The following DYNC2H1 variants were observed in gnomAD, a reference collection of about 807,000 sequenced individuals.
DYNC2H1 encodes the protein cytoplasmic dynein 2 heavy chain 1.
DYNC2H1 carries 410 observed loss-of-function variants against 570.0 expected under a neutral mutation model. The ratio of observed to expected loss-of-function variants is 0.72; its 90% CI spans 0.66 to 0.78. DYNC2H1 has a LOEUF of 0.78. Among genes scored for constraint, DYNC2H1 ranks in the 30% least tolerant of loss-of-function variants. DYNC2H1 has a pLI of 0.00. For synonymous variants in DYNC2H1, 1,688 were observed against 1,677.6 expected, an observed-to-expected ratio of 1.01 and a Z score of -0.15; for missense variants, 4,865 against 5,046.4, an observed-to-expected ratio of 0.96 and a Z score of 1.09.
chr11:103,173,442 G>A (rs1565365895), intron 35 of DYNC2H1, 137 bp downstream of exon 35: 2 of 596,582 alleles, frequency 3.4e-6, no homozygotes, highest in East Asian at 3.6e-5. Context: ...TACTTATAGT[G>A]TAGCTATGAA....
chr11:103,316,585 G>A lies in DYNC2H1; in HGVS notation c.11690G>A (p.Arg3897Gln), dbSNP rs765162070. Residue 3897 changes from arginine to glutamine, a missense_variant, in exon 80 of 89, where the codon CGG (arginine) becomes CAG (glutamine). Coordinates refer to ENST00000375735, the MANE Select transcript of DYNC2H1 (RefSeq NM_001377.3). ...TATGAATTTTCTTTATCAGATCTTC[G>A]GGCTGGGTACAACATTATTGACAGA... ...KFYEFSLSDLRAGYNIIDRLF... is the reference protein window; with the variant it reads ...KFYEFSLSDLQAGYNIIDRLF... 19 of 1,559,150 alleles carry A rather than the reference G, an allele frequency of 1.2e-5. No individual in the cohort carries two copies. The highest frequency in any genetic ancestry group is 3.8e-5 in the Admixed American group (2 of 52,894).
Position 103,207,246 on chromosome 11 carries a change from A to T in DYNC2H1, c.8454+2282A>T, listed in dbSNP as rs376140946. On this transcript the variant is annotated intron_variant, in intron 52 of 88. Transcript: ENST00000375735. The stretch of plus-strand genomic sequence containing the variant: ...CTGTTTTTTTTTTTTTTTTTTTAAA[A>T]AAAGATGGGACACACTATAGTATGT... Among the ~76,000 whole-genome samples, 57 of 38,934 alleles carry T rather than the reference A, an allele frequency of 1.5e-3. 2 individuals carry two copies. Among genetic ancestry groups the T allele is most frequent in the South Asian group, 9.0e-3 (11 of 1,222 alleles). The allele number at this position is 38,934 out of a possible 152,430, so 25.5% of individuals were successfully genotyped here. A position where few individuals can be genotyped will look rare whatever the true frequency, so the allele number is the denominator to read the frequency against.
intron 83 of DYNC2H1, among the ~76,000 whole-genome samples, chr11:103,376,960 T>C (rs544115564): frequency 3.3e-4 from 51 of 152,368 alleles, no homozygotes; most frequent in Middle Eastern, 6.8e-3. Context: ...TATTCTCTCC[T>C]GACCTGCAAG....
rs1386486262 is a variant in DYNC2H1, at chr11:103,133,829, G to C, written c.2106+122G>C. The C allele has an allele frequency of 9.4e-7, 1 of 1,068,304 alleles. No homozygotes were observed. The highest frequency in any genetic ancestry group is 1.3e-6 in the Non-Finnish European group (1 of 773,388). The allele number at this position is 1,068,304 out of a possible 1,614,324, so 66.2% of individuals were successfully genotyped here. ...GACTTAAAGTTACAAAAATAGTACA[G>C]AGAAATCACAATTCCCATTTGCCCA... is the stretch of plus-strand genomic sequence containing the variant. On this transcript the variant is annotated intron_variant, in intron 14 of 88. Coordinates refer to ENST00000375735, the MANE Select transcript of DYNC2H1 (RefSeq NM_001377.3). The surrounding 1 kb of genome is among the most constrained non-coding windows in gnomAD (Gnocchi z 4.8).
At chr11:103,298,067 T>A (rs1866906125) in intron 75 of DYNC2H1, among the ~76,000 whole-genome samples, 1 of 152,142 alleles carries the variant, frequency 6.6e-6, no homozygotes, top group Admixed American at 6.6e-5. Flanking sequence ...TCATATCACT[T>A]CTCTGCTCCA....
At chr11:103,147,210 T>C (rs1342476294) in intron 18 of DYNC2H1, among the ~76,000 whole-genome samples, 2 of 152,198 alleles carry the variant, frequency 1.3e-5, no homozygotes, top group African/African-American at 4.8e-5. Flanking sequence ...TGTTTTATAT[T>C]CTAACAGTTC....
At chr11:103,400,903 A>G (rs919116721) in intron 84 of DYNC2H1, among the ~76,000 whole-genome samples, 1 of 152,062 alleles carries the variant, frequency 6.6e-6, no homozygotes, top group African/African-American at 2.4e-5. Context: ...TTTTCTTTGT[A>G]CATACATTGC....
At position 103,186,319 on chromosome 11, in the gene DYNC2H1, A is replaced by G. The variant is rs658804; in HGVS notation, c.6711A>G (p.Arg2237=). ...CCTACTATGACTCTACTAGGGGTCG[A>G]TTAGCAACATATGTGCTTAAGAAGC... ...MDTYYDSTRG[R]LATYVLKKPE... is the part of the protein sequence containing the mutation. Residue 2237 remains arginine, a synonymous_variant, in exon 42 of 89, where the codon CGA becomes CGG. Transcript: ENST00000375735. This position sits in a 1 kb window ranked among gnomAD's most constrained non-coding sequence, Gnocchi z 4.5. 984,852 of 1,612,044 alleles carry G rather than the reference A, an allele frequency of 0.61. 302,784 individuals carry two copies. The highest frequency in any genetic ancestry group is 0.74 in the Admixed American group (44,000 of 59,796).
At chr11:103,137,778 C>T (rs957738987) in intron 17 of DYNC2H1, among the ~76,000 whole-genome samples, 17 of 151,992 alleles carry the variant, frequency 1.1e-4, no homozygotes, top group African/African-American at 3.9e-4. Flanking sequence ...TCACTGGTAG[C>T]TTGATGGGGA....
intron 84 of DYNC2H1, among the ~76,000 whole-genome samples, chr11:103,416,945 C>T (rs538187134): frequency 6.6e-6 from 1 of 152,126 alleles, no homozygotes; most frequent in Admixed American, 6.6e-5. Context: ...AAAAAAACAA[C>T]CCCATCAAAA....
chr11:103,233,277 G>A (rs1404840495), intron 60 of DYNC2H1, among the ~76,000 whole-genome samples: 5 of 104,056 alleles, frequency 4.8e-5, no homozygotes, highest in Non-Finnish European at 9.5e-5. Flanking sequence ...GAACTGTTCT[G>A]GAGAATTAAA....
chr11:103,176,955 C>G (rs966278353), intron 37 of DYNC2H1, among the ~76,000 whole-genome samples: 2 of 152,148 alleles, frequency 1.3e-5, no homozygotes, highest in Non-Finnish European at 2.9e-5. Flanking sequence ...ATCTGCCCAC[C>G]TTGGTCTCCC....
Position 103,129,019 on chromosome 11 carries a change from T to C in DYNC2H1, c.1953+14T>C, listed in dbSNP as rs186540831. The C allele has an allele frequency of 3.5e-4, 555 of 1,574,816 alleles. 4 individuals carry two copies. In the African/African-American group the frequency reaches 5.9e-3, roughly 17 times the overall value. On this transcript the variant is annotated intron_variant, in intron 13 of 88. Coordinates refer to ENST00000375735, the MANE Select transcript of DYNC2H1 (RefSeq NM_001377.3). The surrounding 1 kb of genome is among the most constrained non-coding windows in gnomAD (Gnocchi z 4.1). ...CAGATAATTAAGGTAAATGGGCTTTTAATTTTATTATAATTAGATTTTACA... is the reference window on the plus strand; with the variant it reads ...CAGATAATTAAGGTAAATGGGCTTTCAATTTTATTATAATTAGATTTTACA...
intron 83 of DYNC2H1, among the ~76,000 whole-genome samples, chr11:103,389,312 A>G (rs1294361614): frequency 1.3e-5 from 2 of 152,090 alleles, no homozygotes; most frequent in African/African-American, 4.8e-5. Flanking sequence ...GTATTCTCTG[A>G]TGGTAGTTTG....
At chr11:103,357,407 C>T (rs1321748021) in intron 82 of DYNC2H1, among the ~76,000 whole-genome samples, 1 of 152,168 alleles carries the variant, frequency 6.6e-6, no homozygotes. Context: ...ATTGAAATTA[C>T]AACTTAAAGT....
intron 63 of DYNC2H1, among the ~76,000 whole-genome samples, chr11:103,242,266 A>G (rs1392231399): frequency 6.6e-6 from 1 of 152,206 alleles, no homozygotes; most frequent in Non-Finnish European, 1.5e-5. Flanking sequence ...TCAATGTATA[A>G]GTTACACACA....
intron 83 of DYNC2H1, among the ~76,000 whole-genome samples, chr11:103,371,318 A>G (rs1215800644): frequency 6.6e-6 from 1 of 152,204 alleles, no homozygotes; most frequent in Non-Finnish European, 1.5e-5. Context: ...AAGTAGACTG[A>G]AAAGGGCACA....
At chr11:103,229,156 A>G (rs966479175) in intron 59 of DYNC2H1, among the ~76,000 whole-genome samples, 1 of 152,206 alleles carries the variant, frequency 6.6e-6, no homozygotes, top group Non-Finnish European at 1.5e-5. Flanking sequence ...GCCCCAGACC[A>G]TGAGCCTTCT....
Position 103,358,285 on chromosome 11 carries a change from G to A in DYNC2H1, c.12082G>A (p.Gly4028Ser), listed in dbSNP as rs202216852. ...GATTTTGGGCAGATCCATAACAGCT[G>A]GTTCCAAATTTGATAGAGAAATCTG... ...LRILGRSITA[G>S]SKFDREIWSN... The change falls in exon 83 of 89, where the codon GGT becomes AGT. Residue 4028 changes from glycine to serine, a missense_variant. Physicochemically the swap from Gly to Ser is moderately conservative, Grantham distance 56. Around this residue, in one of 5 missense-constraint regions of DYNC2H1, gnomAD observed 2,401 missense variants for 2,454.6 expected, o/e 0.98. Coordinates refer to ENST00000375735, the MANE Select transcript of DYNC2H1 (RefSeq NM_001377.3). The A allele has an allele frequency of 1.3e-6, 2 of 1,591,866 alleles. No homozygotes were observed. Among genetic ancestry groups the A allele is most frequent in the Non-Finnish European group, 1.7e-6 (2 of 1,167,844 alleles).
Sources: allele counts gnomAD v4.1 joint callset (sites outside exome capture counted in the v4.1 genomes callset), GRCh38; gene constraint gnomAD v4.1.1; regional missense constraint gnomAD v4.1.1; non-coding constraint Gnocchi (gnomAD v3.1); transcripts MANE v1.5; gene names NCBI Gene and HGNC (gene_info 2026-07-23, HGNC 2026-07-21).